RAP1GDS1: variants seen among roughly 807,000 people sequenced by gnomAD.
RAP1GDS1 encodes the protein RAP1, GTP-GDP dissociation stimulator 1.
In RAP1GDS1, 35 loss-of-function variants were observed where a neutral mutation model predicts 71.1. That is an observed-to-expected ratio of 0.49 (90% CI 0.38 to 0.65). The LOEUF (loss-of-function observed/expected upper bound fraction) is 0.65. Ranked by LOEUF, RAP1GDS1 falls within the 30% of genes least tolerant of loss-of-function variation. The probability of loss-of-function intolerance (pLI) is 0.00; values close to 1 mark genes in which losing one functional copy is unlikely to be tolerated. For missense variants in RAP1GDS1, 663 were observed against 706.1 expected, an observed-to-expected ratio of 0.94 and a Z score of 0.69; for synonymous variants, 229 against 243.1, an observed-to-expected ratio of 0.94 and a Z score of 0.54.
intron 2 of RAP1GDS1, among the ~76,000 whole-genome samples, chr4:98,325,711 G>T: frequency 7.0e-6 from 1 of 142,794 alleles, no homozygotes. Flanking sequence ...TCATAGGTGG[G>T]AATTGAACAA....
At chr4:98,423,195 A>G (rs926383063) in intron 12 of RAP1GDS1, among the ~76,000 whole-genome samples, 6 of 152,234 alleles carry the variant, frequency 3.9e-5, no homozygotes, top group Non-Finnish European at 7.3e-5. Flanking sequence ...GGATGGTGCC[A>G]TAGAAGGAGT....
At chr4:98,418,904 AAT>A in intron 10 of RAP1GDS1, 113 bp downstream of exon 10, 1 of 1,105,952 alleles carries the variant, frequency 9.0e-7, no homozygotes, top group Non-Finnish European at 1.2e-6. Flanking sequence ...TTTAAAAAAA[AAT>A]AGTCTTCACA....
intron 5 of RAP1GDS1, among the ~76,000 whole-genome samples, chr4:98,384,753 G>A (rs1742491661): frequency 6.6e-6 from 1 of 151,544 alleles, no homozygotes. Context: ...AATGTAAGAA[G>A]CTGAAATTTT....
intron 2 of RAP1GDS1, among the ~76,000 whole-genome samples, chr4:98,295,417 G>C (rs919309651): frequency 6.6e-6 from 1 of 152,096 alleles, no homozygotes; most frequent in Non-Finnish European, 1.5e-5. Flanking sequence ...TACTGACAAA[G>C]AAGAATTGGA....
At chr4:98,358,245 T>C (rs1034443548) in intron 4 of RAP1GDS1, among the ~76,000 whole-genome samples, 2 of 152,078 alleles carry the variant, frequency 1.3e-5, no homozygotes, top group African/African-American at 4.8e-5. Flanking sequence ...TTACAATATG[T>C]AAGGATATTT....
intron 6 of RAP1GDS1, among the ~76,000 whole-genome samples, chr4:98,401,742 C>T (rs934217601): frequency 1.3e-5 from 2 of 152,154 alleles, no homozygotes; most frequent in Non-Finnish European, 2.9e-5. Flanking sequence ...TGTTCACCTG[C>T]AGGTTAAGTA....
chr4:98,340,258 A>T (rs1735304839), intron 2 of RAP1GDS1, among the ~76,000 whole-genome samples: 1 of 152,192 alleles, frequency 6.6e-6, no homozygotes, highest in South Asian at 2.1e-4. Context: ...AAAGACATGG[A>T]ATCAACTTAA....
At chr4:98,331,475 T>C (rs1734013016) in intron 2 of RAP1GDS1, among the ~76,000 whole-genome samples, 1 of 152,158 alleles carries the variant, frequency 6.6e-6, no homozygotes, top group Non-Finnish European at 1.5e-5. Context: ...AAAAATCCAA[T>C]GGAAGTTTAT....
chr4:98,301,183 A>T (rs1034225283), intron 2 of RAP1GDS1, among the ~76,000 whole-genome samples: 2 of 151,794 alleles, frequency 1.3e-5, no homozygotes, highest in Admixed American at 6.6e-5. Flanking sequence ...ATTCATTATT[A>T]TTATTTTTTT....
chr4:98,404,367 G>T, intron 6 of RAP1GDS1, 110 bp from the exon 7 acceptor site: 1 of 1,011,754 alleles, frequency 9.9e-7, no homozygotes, highest in Non-Finnish European at 1.4e-6. Context: ...TCCCATATTT[G>T]AAGAGTATTT....
At chr4:98,299,103 T>C (rs965679614) in intron 2 of RAP1GDS1, among the ~76,000 whole-genome samples, 2 of 152,168 alleles carry the variant, frequency 1.3e-5, no homozygotes, top group East Asian at 3.9e-4. Context: ...TTCCCCCCGC[T>C]GTGTCCAAGT....
At chr4:98,318,752 A>G (rs1731320348) in intron 2 of RAP1GDS1, among the ~76,000 whole-genome samples, 1 of 152,216 alleles carries the variant, frequency 6.6e-6, no homozygotes, top group African/African-American at 2.4e-5. Context: ...GGCAGGTAGC[A>G]TATACAGCGT....
chr4:98,281,942 C>T (rs1368321755), intron 1 of RAP1GDS1, among the ~76,000 whole-genome samples: 1 of 152,214 alleles, frequency 6.6e-6, no homozygotes, highest in African/African-American at 2.4e-5. Context: ...ACCAGCCTTG[C>T]ATCCCAGGGA....
At chr4:98,308,296 A>AATATATATATAT (rs1729667126) in intron 2 of RAP1GDS1, among the ~76,000 whole-genome samples, 2 of 54,684 alleles carry the variant, frequency 3.7e-5, no homozygotes, top group South Asian at 7.9e-4. Flanking sequence ...ACACACACAC[A>AATATATATATAT]CTATATATAT....
At chr4:98,370,250 A>G (rs1740171589) in intron 4 of RAP1GDS1, among the ~76,000 whole-genome samples, 1 of 151,594 alleles carries the variant, frequency 6.6e-6, no homozygotes, top group African/African-American at 2.4e-5. Context: ...TATTGATGAA[A>G]CTGACTGTGT....
chr4:98,309,624 T>C (rs1327537198), intron 2 of RAP1GDS1, among the ~76,000 whole-genome samples: 1 of 151,924 alleles, frequency 6.6e-6, no homozygotes, highest in East Asian at 1.9e-4. Context: ...TAAAAAGAAT[T>C]TGTAGAAGCA....
Position 98,392,051 on chromosome 4 carries a change from T to A in RAP1GDS1, c.608T>A (p.Leu203His). Residue 203 changes from leucine to histidine, a missense_variant, in exon 6 of 15, where the codon CTT becomes CAT. Physicochemically the swap from Leu to His is moderately conservative, Grantham distance 99. Coordinates refer to ENST00000408927, the MANE Select transcript of RAP1GDS1 (RefSeq NM_001100427.2). ...AATGCAGCTCTTACAGAAATGTGTC[T>A]TGTTGCATTTGGTAATTTAGCAGAA... is the stretch of plus-strand genomic sequence containing the variant. Reference protein sequence around the residue: ...CQNAALTEMCLVAFGNLAELE... With the variant: ...CQNAALTEMCHVAFGNLAELE... 1.2e-6 allele frequency: 2 copies of A among 1,612,710 alleles called. No homozygotes were observed. The highest frequency in any genetic ancestry group is 2.2e-5 in the East Asian group (1 of 44,740).
At chr4:98,398,240 A>T (rs1282597950) in intron 6 of RAP1GDS1, among the ~76,000 whole-genome samples, 1 of 151,910 alleles carries the variant, frequency 6.6e-6, no homozygotes, top group Non-Finnish European at 1.5e-5. Context: ...AAAAAAAAGG[A>T]GATAGAAAAT....
chr4:98,388,419 A>G (rs892383240), intron 5 of RAP1GDS1, among the ~76,000 whole-genome samples: 2 of 152,046 alleles, frequency 1.3e-5, no homozygotes, highest in Admixed American at 6.6e-5. Flanking sequence ...TCACCTCCCA[A>G]TCTCTTATAA....
Sources: gnomAD v4.1 joint callset for allele counts (sites outside exome capture counted in the v4.1 genomes callset) on GRCh38, gnomAD v4.1.1 for gene constraint, MANE v1.5 for transcripts, NCBI Gene and HGNC (gene_info 2026-07-23, HGNC 2026-07-21) for gene names.